SLC45A4: variants seen among roughly 807,000 people sequenced by gnomAD.
SLC45A4 encodes the protein solute carrier family 45 member 4.
A neutral mutation model predicts 63.7 loss-of-function variants in SLC45A4; 32 were observed. The observed-to-expected ratio is 0.50, with a 90% CI of 0.38 to 0.67. The LOEUF (loss-of-function observed/expected upper bound fraction) is 0.67. SLC45A4 is among the 30% of genes least tolerant of loss of function. SLC45A4 has a pLI of 0.00. For missense variants in SLC45A4, 1,027 were observed against 1,157.7 expected (o/e 0.89, Z 1.64); for synonymous variants, 535 against 510.0 (o/e 1.05, Z -0.66).
intron 1 of SLC45A4, among the ~76,000 whole-genome samples, 171 bp downstream of exon 1, chr8:141,307,925 G>A (rs1329788077): frequency 6.6e-6 from 1 of 151,320 alleles, no homozygotes. Context: ...AGCCGGGTGG[G>A]GGCACGTCCC....
chr8:141,251,868 C>T (rs28506950), intron 2 of SLC45A4, among the ~76,000 whole-genome samples: 41,567 of 150,344 alleles, frequency 0.28, 5,977 homozygotes, highest in East Asian at 0.39. Context: ...TCAGCTCCCA[C>T]GGCAGGGTGA....
intron 1 of SLC45A4, among the ~76,000 whole-genome samples, chr8:141,303,274 G>A (rs1049982008): frequency 3.3e-5 from 5 of 151,576 alleles, no homozygotes; most frequent in African/African-American, 1.2e-4. Flanking sequence ...TGGGACTATA[G>A]GCACGTGCCA....
intron 2 of SLC45A4, chr8:141,228,240 C>A (rs34650936): frequency 0.16 from 259,812 of 1,613,812 alleles, 22,418 homozygotes; most frequent in Non-Finnish European, 0.18. Context: ...GACGGGACAG[C>A]CCTGAGGCTG....
intron 6 of SLC45A4, among the ~76,000 whole-genome samples, 165 bp from the exon 7 acceptor site, chr8:141,216,135 G>A (rs901552195): frequency 6.6e-6 from 1 of 150,450 alleles, no homozygotes; most frequent in Non-Finnish European, 1.5e-5. Context: ...CCTCCGGCAC[G>A]TATTTGTAGC....
chr8:141,216,672 C>T (rs941745312), intron 6 of SLC45A4, among the ~76,000 whole-genome samples: 17 of 152,124 alleles, frequency 1.1e-4, no homozygotes, highest in South Asian at 2.1e-4. Flanking sequence ...TGGTGAGCCT[C>T]GCTGCAGGAC....
intron 2 of SLC45A4, chr8:141,253,165 G>A (rs72681581): frequency 0.068 from 8,019 of 117,140 alleles, 872 homozygotes; most frequent in Middle Eastern, 0.14. Context: ...ATGAATTTCC[G>A]TGTTTTCATG....
At position 141,254,064 on chromosome 8, in the gene SLC45A4, C is replaced by T; in HGVS notation, c.166G>A (p.Gly56Arg). The change falls in exon 2 of 9, where the codon GGG becomes AGG. Residue 56 changes from glycine (G) to arginine (R), a missense_variant. Transcript: ENST00000517878. The surrounding 1 kb of genome is among the most constrained non-coding windows in gnomAD (Gnocchi z 4.5). ...RIPMRLWVMHGAVMFGREFCY... is the reference protein window; with the variant it reads ...RIPMRLWVMHRAVMFGREFCY... ...AACTCCCTGCCAAACATCACCGCCC[C>T]GTGCATCACCCACAGGCGCATGGGG... The T allele has an allele frequency of 5.9e-6, 9 of 1,536,190 alleles. No homozygotes were observed. The highest frequency in any genetic ancestry group is 7.8e-6 in the Non-Finnish European group (9 of 1,146,918).
intron 1 of SLC45A4, among the ~76,000 whole-genome samples, chr8:141,306,778 G>A (rs1830909303): frequency 6.6e-6 from 1 of 152,232 alleles, no homozygotes; most frequent in Admixed American, 6.5e-5. Context: ...CAGTAATGCT[G>A]GGCAGATGCA....
chr8:141,271,057 C>A (rs953735175), intron 1 of SLC45A4, among the ~76,000 whole-genome samples: 2 of 152,244 alleles, frequency 1.3e-5, no homozygotes, highest in Admixed American at 1.3e-4. Flanking sequence ...CCCACAAAGG[C>A]TCTGACTGAC....
chr8:141,233,198 G>A (rs1827455189), intron 2 of SLC45A4, among the ~76,000 whole-genome samples: 1 of 152,214 alleles, frequency 6.6e-6, no homozygotes. Flanking sequence ...GCCAGGATGA[G>A]CTGGTTCCAG....
At chr8:141,217,307 G>T in intron 5 of SLC45A4, 118 bp from the exon 6 acceptor site, 1 of 1,065,732 alleles carries the variant, frequency 9.4e-7, no homozygotes, top group Non-Finnish European at 1.4e-6. Flanking sequence ...TGACAGGAAA[G>T]TCCCATCCAG....
chr8:141,273,916 T>A (rs1829632847), intron 1 of SLC45A4, among the ~76,000 whole-genome samples: 2 of 152,236 alleles, frequency 1.3e-5, no homozygotes, highest in Admixed American at 1.3e-4. Context: ...AATGTTAATG[T>A]CAAAGCTTGT....
At chr8:141,299,968 G>A (rs993753846) in intron 1 of SLC45A4, among the ~76,000 whole-genome samples, 7 of 152,102 alleles carry the variant, frequency 4.6e-5, no homozygotes, top group African/African-American at 9.7e-5. Context: ...TCCTGGTCCC[G>A]TTCTTCACTG....
At chr8:141,238,812 CA>C (rs571887643) in intron 2 of SLC45A4, among the ~76,000 whole-genome samples, 2 of 152,258 alleles carry the variant, frequency 1.3e-5, no homozygotes, top group African/African-American at 4.8e-5. Flanking sequence ...GTACAGCTGC[CA>C]GGGGGCCGGC....
chr8:141,252,747 A>G (rs1828545891), intron 2 of SLC45A4, among the ~76,000 whole-genome samples: 1 of 107,586 alleles, frequency 9.3e-6, no homozygotes, highest in Non-Finnish European at 1.8e-5. Flanking sequence ...TTTCATGCCC[A>G]CCTGCGTCTG....
chr8:141,253,827 G>A (rs756314117), intron 2 of SLC45A4, among the ~76,000 whole-genome samples, 162 bp downstream of exon 2: 4 of 152,206 alleles, frequency 2.6e-5, no homozygotes, highest in East Asian at 1.9e-4. Flanking sequence ...AACAGGAGAC[G>A]AAAACCACCA....
At chr8:141,281,076 T>C (rs1485345702) in intron 1 of SLC45A4, among the ~76,000 whole-genome samples, 11 of 152,238 alleles carry the variant, frequency 7.2e-5, no homozygotes, top group East Asian at 1.9e-4. Context: ...TGGTGGCTCA[T>C]GCCTGTAATC....
At chr8:141,249,388 C>G (rs1393844393) in intron 2 of SLC45A4, among the ~76,000 whole-genome samples, 2 of 152,138 alleles carry the variant, frequency 1.3e-5, no homozygotes, top group Non-Finnish European at 1.5e-5. Flanking sequence ...CTAGTCAGCA[C>G]AGAAAAGGAG....
chr8:141,285,141 G>T (rs569738785), intron 1 of SLC45A4, among the ~76,000 whole-genome samples: 1 of 152,208 alleles, frequency 6.6e-6, no homozygotes, highest in African/African-American at 2.4e-5. Flanking sequence ...GATCCAGCAC[G>T]GACTGAGGGC....
Sources: gnomAD v4.1 joint callset for allele counts (sites outside exome capture counted in the v4.1 genomes callset) on GRCh38, gnomAD v4.1.1 for gene constraint, Gnocchi (gnomAD v3.1) non-coding constraint, MANE v1.5 for transcripts, NCBI Gene and HGNC (gene_info 2026-07-23, HGNC 2026-07-21) for gene names.